PML: variants seen among roughly 807,000 people sequenced by gnomAD.
The protein encoded by PML is PML nuclear body scaffold.
In PML, 28 loss-of-function variants were observed where a neutral mutation model predicts 65.2. The observed-to-expected ratio is 0.43, with a 90% confidence interval of 0.32 to 0.59. PML has a LOEUF of 0.59. Ranked by LOEUF, PML falls within the 20% of genes least tolerant of loss-of-function variation. The pLI is 0.08. For synonymous variants in PML, 500 were observed against 508.8 expected, an observed-to-expected ratio of 0.98 and a Z score of 0.23; for missense variants, 1,021 against 1,203.4, an observed-to-expected ratio of 0.85 and a Z score of 2.24.
rs1282926833 is a variant in PML at position 74,045,481 on chromosome 15, C to G, written c.*473C>G. The G allele has an allele frequency of 4.1e-6, 1 of 242,496 alleles. No homozygotes were observed. The highest frequency in any genetic ancestry group is 8.0e-6 in the Non-Finnish European group (1 of 124,286). 15.0% of individuals were successfully genotyped at this position (242,496 alleles called of 1,614,324 possible). On this transcript the variant is annotated 3_prime_UTR_variant, in exon 9 of 9. Coordinates refer to ENST00000268058, the MANE Select transcript of PML (RefSeq NM_033238.3). ...GCCCATGGCAACTCAAAGTGCCTTC[C>G]AAACCAAACTGCCCCTCATGAGGTT...
intron 5 of PML, 96 bp downstream of exon 5, chr15:74,032,811 G>A: frequency 7.8e-7 from 1 of 1,280,588 alleles, no homozygotes; most frequent in Non-Finnish European, 1.1e-6. Context: ...GCCTTCATCA[G>A]ATCAGCTCTT....
At chr15:74,022,684 A>C (rs2070892449) in intron 2 of PML, 144 bp from the exon 3 acceptor site, 1 of 749,744 alleles carries the variant, frequency 1.3e-6, no homozygotes, top group African/African-American at 1.7e-5. Context: ...CCATAACCAC[A>C]AACACTGAAT....
chr15:74,041,066 T>C (rs1238713787), intron 7 of PML, among the ~76,000 whole-genome samples: 2 of 152,156 alleles, frequency 1.3e-5, no homozygotes, highest in Non-Finnish European at 2.9e-5. Flanking sequence ...CCGAGGACAT[T>C]GCCCCGAGCT....
At chr15:74,034,991 C>G in intron 7 of PML, 1 of 1,510,998 alleles carries the variant, frequency 6.6e-7, no homozygotes, top group Non-Finnish European at 8.8e-7. Flanking sequence ...ATATATAAAT[C>G]CATTCCACAG....
In PML at chr15:74,037,984, C is replaced by A. The variant is rs899740012; in HGVS notation, c.1710+3454C>A. Among the ~76,000 whole-genome samples, 1 of 152,174 alleles carries A rather than the reference C, an allele frequency of 6.6e-6. No homozygotes were observed. The highest frequency in any genetic ancestry group is 1.5e-5 in the Non-Finnish European group (1 of 68,038). ...CCTCAAACTCAGCACCTTCTCCTCC[C>A]GTCTCACTGGCTCGCCCCACTCTCT... On this transcript the variant is annotated intron_variant, in intron 7 of 8. Transcript: ENST00000268058. This position sits in a 1 kb window ranked among gnomAD's most constrained non-coding sequence, Gnocchi z 4.2.
chr15:74,000,508 A>G (rs181104514), intron 2 of PML, among the ~76,000 whole-genome samples: 1 of 152,144 alleles, frequency 6.6e-6, no homozygotes, highest in East Asian at 1.9e-4. Flanking sequence ...GTTTCACGAC[A>G]TTGCCCAGAC....
intron 2 of PML, among the ~76,000 whole-genome samples, chr15:74,006,557 GAGAA>G (rs1158889963): frequency 6.6e-6 from 1 of 152,164 alleles, no homozygotes; most frequent in African/African-American, 2.4e-5. Flanking sequence ...CTTAATGAAA[GAGAA>G]AGAAATGTTT....
At position 74,046,734 on chromosome 15, in the gene PML, C is replaced by CA. The variant is rs756461292; in HGVS notation, c.*1727dup. The CA allele has an allele frequency of 8.6e-6, 2 of 231,976 alleles. No homozygotes were observed. Among genetic ancestry groups the CA allele is most frequent in the Non-Finnish European group, 1.7e-5 (2 of 117,346 alleles). 14.4% of individuals were successfully genotyped at this position (231,976 alleles called of 1,614,324 possible). On this transcript the variant is annotated 3_prime_UTR_variant, in exon 9 of 9. Transcript: ENST00000268058. ...ATTGAGGGGTGTTCTGCCCTGCCTC[C>CA]ACTGTCACAGCCTTTAATAAAGATG...
At chr15:74,016,065 T>G (rs2070560346) in intron 2 of PML, among the ~76,000 whole-genome samples, 1 of 151,956 alleles carries the variant, frequency 6.6e-6, no homozygotes, top group South Asian at 2.1e-4. Context: ...GATCACGAGG[T>G]CAAGAGATTG....
chr15:74,029,734 G>A, intron 4 of PML, among the ~76,000 whole-genome samples: 1 of 152,098 alleles, frequency 6.6e-6, no homozygotes, highest in East Asian at 1.9e-4. Flanking sequence ...TAAAAATGTT[G>A]GTCATGCCCC....
intron 7 of PML, among the ~76,000 whole-genome samples, chr15:74,041,126 G>T (rs780261241): frequency 7.2e-5 from 11 of 152,198 alleles, no homozygotes; most frequent in Non-Finnish European, 1.5e-4. Context: ...TGGGTTTGGA[G>T]CAGGAAGAAG....
chr15:74,042,602 C>T lies in PML; in HGVS notation c.1711-387C>T, dbSNP rs561788817. 2 of 985,424 alleles carry T rather than the reference C, an allele frequency of 2.0e-6. No individual in the cohort carries two copies. Among genetic ancestry groups the T allele is most frequent in the African/African-American group, 3.5e-5 (2 of 57,362 alleles). The allele number at this position is 985,424 out of a possible 1,614,324, so 61.0% of individuals were successfully genotyped here. A position where few individuals can be genotyped will look rare whatever the true frequency, so the allele number is the denominator to read the frequency against. The stretch of plus-strand genomic sequence containing the variant: ...ATAAGCAGCACAGCACACTCATGCA[C>T]ACACCCACTGGCATTTTCTCTCACA... On this transcript the variant is annotated intron_variant, in intron 7 of 8. Transcript: ENST00000268058. The surrounding 1 kb of genome is among the most constrained non-coding windows in gnomAD (Gnocchi z 5.3).
At chr15:74,007,456 C>T (rs1417291118) in intron 2 of PML, among the ~76,000 whole-genome samples, 2 of 152,238 alleles carry the variant, frequency 1.3e-5, no homozygotes, top group Non-Finnish European at 2.9e-5. Context: ...CTCCCACTCC[C>T]ATTTCACATT....
At chr15:73,998,552 G>C in intron 2 of PML, 76 bp downstream of exon 2, 1 of 1,283,546 alleles carries the variant, frequency 7.8e-7, no homozygotes, top group Non-Finnish European at 1.1e-6. Flanking sequence ...GATCCAAAGA[G>C]TCACACAGCT....
intron 4 of PML, among the ~76,000 whole-genome samples, chr15:74,028,686 C>T (rs1370076800): frequency 6.6e-6 from 1 of 152,174 alleles, no homozygotes; most frequent in East Asian, 1.9e-4. Flanking sequence ...CCCTGGTGAC[C>T]CTTGTCTACT....
At chr15:74,014,319 T>G (rs1369599817) in intron 2 of PML, among the ~76,000 whole-genome samples, 2 of 152,062 alleles carry the variant, frequency 1.3e-5, no homozygotes, top group Non-Finnish European at 2.9e-5. Flanking sequence ...TAGACCTAGT[T>G]GGTACTTAGT....
chr15:73,996,141 A>G (rs2069493428), intron 1 of PML, among the ~76,000 whole-genome samples: 1 of 152,220 alleles, frequency 6.6e-6, no homozygotes, highest in Admixed American at 6.5e-5. Flanking sequence ...CAGTGGCATT[A>G]AGTAGATTCA....
rs2071498582 is a variant in PML, at chr15:74,035,321, A to C, written c.1710+791A>C. On this transcript the variant is annotated intron_variant, in intron 7 of 8. Transcript: ENST00000268058. The surrounding 1 kb of genome is among the most constrained non-coding windows in gnomAD (Gnocchi z 4.1). The stretch of plus-strand genomic sequence containing the variant: ...TGCCCTGTGGCACATACCACCCCCC[A>C]GCTTGGCCTCCCCACCAGCCCGCTG... 4 of 1,611,980 alleles carry C rather than the reference A, an allele frequency of 2.5e-6. No homozygotes were observed. The highest frequency in any genetic ancestry group is 2.7e-5 in the African/African-American group (2 of 74,592).
chr15:74,044,543 C>T lies in PML; in HGVS notation c.2184C>T (p.Asn728=). ...GGGCCAGCAGCTTCAAACTCAAGAA[C>T]CTGGCCCAGACCTACCTGGCGAGAA... is the stretch of plus-strand genomic sequence containing the variant. The part of the protein sequence containing the change: ...VPGASSFKLK[N]LAQTYLARNM... Residue 728 remains asparagine (N), a synonymous_variant, in exon 9 of 9, where the codon AAC becomes AAT. Transcript: ENST00000268058. 1 of 1,613,626 alleles carries T rather than the reference C, an allele frequency of 6.2e-7. No individual in the cohort carries two copies. Among genetic ancestry groups the T allele is most frequent in the South Asian group, 1.1e-5 (1 of 91,088 alleles).
Sources: gnomAD v4.1 joint callset for allele counts (sites outside exome capture counted in the v4.1 genomes callset) on GRCh38, gnomAD v4.1.1 for gene constraint, Gnocchi (gnomAD v3.1) non-coding constraint, MANE v1.5 for transcripts, NCBI Gene and HGNC (gene_info 2026-07-23, HGNC 2026-07-21) for gene names.